CNTN4: variants seen among roughly 807,000 people sequenced by gnomAD.
CNTN4 encodes the protein contactin 4.
CNTN4 carries 77 observed loss-of-function variants against 122.5 expected under a neutral mutation model. The ratio of observed to expected loss-of-function variants is 0.63; its 90% CI spans 0.52 to 0.76. CNTN4 has a LOEUF of 0.76. CNTN4 is among the 30% of genes least tolerant of loss of function. The probability of loss-of-function intolerance (pLI) is 0.00; values close to 1 mark genes in which losing one functional copy is unlikely to be tolerated. For synonymous variants in CNTN4, 512 were observed against 447.0 expected, an observed-to-expected ratio of 1.15 and a Z score of -1.83; for missense variants, 1,256 against 1,259.1, an observed-to-expected ratio of 1.00 and a Z score of 0.04.
At chr3:2,720,363 CT>C (rs2149390187) in intron 4 of CNTN4, among the ~76,000 whole-genome samples, 1 of 152,214 alleles carries the variant, frequency 6.6e-6, no homozygotes, top group South Asian at 2.1e-4. Flanking sequence ...AGGTGGCTTT[CT>C]TTTATAGTCT....
intron 2 of CNTN4, among the ~76,000 whole-genome samples, chr3:2,293,090 G>A (rs2042190886): frequency 6.6e-6 from 1 of 150,854 alleles, no homozygotes; most frequent in African/African-American, 2.4e-5. Flanking sequence ...CACGATTCTT[G>A]TGGGTGTATA....
intron 6 of CNTN4, among the ~76,000 whole-genome samples, chr3:2,781,787 C>G (rs4461401): frequency 3.2e-5 from 4 of 126,876 alleles, no homozygotes; most frequent in East Asian, 2.2e-4. Flanking sequence ...GGCAGTAGCG[C>G]GATCTCTGCT....
intron 2 of CNTN4, among the ~76,000 whole-genome samples, chr3:2,168,918 G>A (rs976451955): frequency 6.6e-6 from 1 of 152,148 alleles, no homozygotes; most frequent in African/African-American, 2.4e-5. Context: ...ATTAAAGATT[G>A]TCTTAGATTT....
intron 3 of CNTN4, among the ~76,000 whole-genome samples, chr3:2,396,986 A>G (rs2046665542): frequency 6.6e-6 from 1 of 152,198 alleles, no homozygotes; most frequent in Non-Finnish European, 1.5e-5. Flanking sequence ...ACGAGATTTG[A>G]AATTCAGTAT....
chr3:2,649,073 G>A (rs890540019), intron 4 of CNTN4, among the ~76,000 whole-genome samples: 2 of 152,146 alleles, frequency 1.3e-5, no homozygotes, highest in African/African-American at 4.8e-5. Flanking sequence ...CAGAAAAGAA[G>A]GTGGAAGCTA....
intron 2 of CNTN4, among the ~76,000 whole-genome samples, chr3:2,120,694 C>T (rs541626291): frequency 2.1e-4 from 32 of 151,854 alleles, no homozygotes; most frequent in African/African-American, 5.8e-4. Flanking sequence ...TGAGCTACTG[C>T]GCCTGGCTGA....
chr3:2,809,984 C>A (rs188976829), intron 6 of CNTN4, among the ~76,000 whole-genome samples: 275 of 152,262 alleles, frequency 1.8e-3, no homozygotes, highest in Non-Finnish European at 2.7e-3. Flanking sequence ...GGCAGCCAAG[C>A]AACGTTTATT....
chr3:2,581,981 G>C (rs1269205930), intron 4 of CNTN4, among the ~76,000 whole-genome samples: 4 of 152,180 alleles, frequency 2.6e-5, no homozygotes, highest in Non-Finnish European at 4.4e-5. Context: ...TATTTTCCCA[G>C]AGCCAAGGAG....
intron 10 of CNTN4, among the ~76,000 whole-genome samples, chr3:2,898,855 A>C (rs1246794728): frequency 6.6e-6 from 1 of 152,182 alleles, no homozygotes; most frequent in African/African-American, 2.4e-5. Flanking sequence ...TTGAATGTGA[A>C]ATCAGGCATG....
intron 4 of CNTN4, among the ~76,000 whole-genome samples, chr3:2,723,975 G>C (rs1341484085): frequency 6.6e-6 from 1 of 152,126 alleles, no homozygotes; most frequent in African/African-American, 2.4e-5. Context: ...ATATGAACCA[G>C]CCCCCAATAA....
chr3:2,913,380 A>T (rs1224830907), intron 12 of CNTN4, among the ~76,000 whole-genome samples: 2 of 152,220 alleles, frequency 1.3e-5, no homozygotes, highest in Admixed American at 1.3e-4. Context: ...AATGGATTAA[A>T]AACAAACAGG....
At chr3:2,723,392 A>G (rs1036878823) in intron 4 of CNTN4, among the ~76,000 whole-genome samples, 13 of 152,338 alleles carry the variant, frequency 8.5e-5, no homozygotes, top group African/African-American at 3.1e-4. Flanking sequence ...ACCTGAGACT[A>G]TATTATGCAT....
At chr3:3,038,035 GTCCCTAC>G (rs1321661645) in intron 18 of CNTN4, among the ~76,000 whole-genome samples, 2 of 151,918 alleles carry the variant, frequency 1.3e-5, no homozygotes, top group African/African-American at 4.8e-5. Context: ...GAATAATAAG[GTCCCTAC>G]ACAAATAGGA....
chr3:2,544,614 G>A (rs577315114), intron 3 of CNTN4, among the ~76,000 whole-genome samples: 11 of 152,000 alleles, frequency 7.2e-5, no homozygotes, highest in East Asian at 1.9e-4. Flanking sequence ...TTGTGTGTCC[G>A]GGGTTTTATC....
chr3:2,605,898 C>G (rs2081236389), intron 4 of CNTN4, among the ~76,000 whole-genome samples: 1 of 151,968 alleles, frequency 6.6e-6, no homozygotes, highest in Non-Finnish European at 1.5e-5. Context: ...TGATAATAGT[C>G]AGTAGTTAGT....
chr3:2,286,918 C>G (rs555422885), intron 2 of CNTN4, among the ~76,000 whole-genome samples: 1 of 152,266 alleles, frequency 6.6e-6, no homozygotes, highest in Non-Finnish European at 1.5e-5. Flanking sequence ...GCTATCAATG[C>G]AGATTTCAGG....
chr3:2,822,198 A>T (rs559545479), intron 7 of CNTN4, among the ~76,000 whole-genome samples: 15 of 152,320 alleles, frequency 9.8e-5, no homozygotes, highest in Non-Finnish European at 4.4e-5. Flanking sequence ...TTTTCCTTTC[A>T]AGTTAGTATC....
chr3:2,861,604 C>A (rs1373594885), intron 7 of CNTN4, among the ~76,000 whole-genome samples: 1 of 152,014 alleles, frequency 6.6e-6, no homozygotes, highest in Non-Finnish European at 1.5e-5. Context: ...TTATTAAAGC[C>A]AAAATTTGTT....
chr3:2,886,990 A>G (rs1426875052), intron 9 of CNTN4, 50 bp from the exon 10 acceptor site: 9 of 1,534,412 alleles, frequency 5.9e-6, no homozygotes, highest in Non-Finnish European at 8.1e-6. Flanking sequence ...TTCAGATAAA[A>G]GGTCCAGTTT....
Sources: gnomAD v4.1 joint callset for allele counts (sites outside exome capture counted in the v4.1 genomes callset) on GRCh38, gnomAD v4.1.1 for gene constraint, MANE v1.5 for transcripts, NCBI Gene and HGNC (gene_info 2026-07-23, HGNC 2026-07-21) for gene names.